The following SOX5 variants were observed in gnomAD, a reference collection of about 807,000 sequenced individuals.
The protein encoded by SOX5 is SRY-box transcription factor 5.
Under a neutral mutation model 92.0 loss-of-function variants are expected in SOX5, and 9 were observed. The observed-to-expected ratio is 0.10, with a 90% confidence interval of 0.06 to 0.17. SOX5 has a LOEUF of 0.17. SOX5 is among the 10% of genes least tolerant of loss of function. The pLI is 1.00. For synonymous variants in SOX5, 344 were observed against 336.3 expected, an observed-to-expected ratio of 1.02 and a Z score of -0.25; for missense variants, 642 against 944.5, an observed-to-expected ratio of 0.68 and a Z score of 4.20.
chr12:24,246,535 C>T (rs1026065937), intron 3 of SOX5, among the ~76,000 whole-genome samples: 2 of 151,754 alleles, frequency 1.3e-5, no homozygotes, highest in East Asian at 1.9e-4. Context: ...CTCTTTTTGC[C>T]TCAGTTCCTT....
chr12:24,289,051 G>A (rs1053177055), intron 2 of SOX5, among the ~76,000 whole-genome samples: 2 of 152,044 alleles, frequency 1.3e-5, no homozygotes, highest in Non-Finnish European at 2.9e-5. Context: ...TGAAGAGGGA[G>A]GCCAAGGTTG....
intron 4 of SOX5, among the ~76,000 whole-genome samples, chr12:24,083,482 G>C (rs1943608489): frequency 6.6e-6 from 1 of 152,062 alleles, no homozygotes; most frequent in Non-Finnish European, 1.5e-5. Context: ...TTTATAATCG[G>C]CTGGGAAAAC....
At chr12:23,755,745 G>A (rs757018128) in intron 3 of SOX5, 21 bp from the exon 4 acceptor site, 3 of 1,473,184 alleles carry the variant, frequency 2.0e-6, no homozygotes, top group Non-Finnish European at 2.8e-6. Flanking sequence ...AAAAAAAGAA[G>A]TGAGCAAATC....
In SOX5 at chr12:23,711,170, A is replaced by G. The variant is rs113389363; in HGVS notation, c.810+23514T>C. Among the ~76,000 whole-genome samples the G allele has an allele frequency of 3.3e-5, 5 of 152,316 alleles. 1 individual carries two copies. The highest frequency in any genetic ancestry group is 4.1e-4 in the South Asian group (2 of 4,832). ...CTATGTTGCCTTTTTTTCTGTTTAC[A>G]TCGGCAATGTGGCATATTAGTTTGT... On this transcript the variant is annotated intron_variant, in intron 6 of 14. Coordinates refer to ENST00000451604, the MANE Select transcript of SOX5 (RefSeq NM_006940.6).
chr12:24,142,181 G>A (rs1011853162), intron 4 of SOX5, among the ~76,000 whole-genome samples: 1 of 152,128 alleles, frequency 6.6e-6, no homozygotes, highest in African/African-American at 2.4e-5. Flanking sequence ...ACAACCAGGT[G>A]CTCACTAGTA....
At chr12:23,605,056 T>C (rs2075072713) in intron 8 of SOX5, among the ~76,000 whole-genome samples, 1 of 152,138 alleles carries the variant, frequency 6.6e-6, no homozygotes, top group South Asian at 2.1e-4. Flanking sequence ...TGAAGAAGAT[T>C]ATCTGGTCAG....
chr12:23,608,108 G>GA (rs1566278538), intron 8 of SOX5, among the ~76,000 whole-genome samples: 98 of 5,670 alleles, frequency 0.017, 2 homozygotes, highest in African/African-American at 0.021. Flanking sequence ...TGTCTCAAAA[G>GA]AAAAAAGAAA....
chr12:24,040,731 G>A (rs2136988119), intron 4 of SOX5, among the ~76,000 whole-genome samples: 1 of 152,226 alleles, frequency 6.6e-6, no homozygotes, highest in African/African-American at 2.4e-5. Flanking sequence ...AAGTTAGCCG[G>A]GCGTGGTGGC....
At chr12:24,295,519 G>C (rs997487532) in intron 2 of SOX5, among the ~76,000 whole-genome samples, 1 of 152,144 alleles carries the variant, frequency 6.6e-6, no homozygotes, top group Admixed American at 6.6e-5. Flanking sequence ...CTCACTAAAG[G>C]ATATTTTGTT....
intron 7 of SOX5, among the ~76,000 whole-genome samples, chr12:23,653,568 A>G (rs1034780193): frequency 1.3e-5 from 2 of 152,130 alleles, no homozygotes; most frequent in Non-Finnish European, 2.9e-5. Flanking sequence ...TATAAAGAAC[A>G]AACATTTGTT....
At chr12:23,992,968 G>A (rs1299567694) in intron 4 of SOX5, among the ~76,000 whole-genome samples, 1 of 152,184 alleles carries the variant, frequency 6.6e-6, no homozygotes, top group African/African-American at 2.4e-5. Context: ...ATTATAGTAT[G>A]TGACTTCTCC....
rs1048705996 is a variant in SOX5 at position 23,723,093 on chromosome 12, G to A, written c.810+11591C>T. On this transcript the variant is annotated intron_variant, in intron 6 of 14. Transcript: ENST00000451604. ...TCCTCTTTTTCTGGCTGCATGACAC[G>A]GGTGCTCATGACAACGTACCCTCTA... Among the ~76,000 whole-genome samples, 92 of 152,036 alleles carry A rather than the reference G, an allele frequency of 6.1e-4. 1 individual carries two copies. Among genetic ancestry groups the A allele is most frequent in the Admixed American group, 5.9e-4 (9 of 15,244 alleles).
chr12:24,273,190 C>CAG (rs1943990145), intron 3 of SOX5, among the ~76,000 whole-genome samples: 1 of 152,178 alleles, frequency 6.6e-6, no homozygotes, highest in African/African-American at 2.4e-5. Context: ...ACCTGCAAGG[C>CAG]AGAGGTTGCA....
chr12:23,882,545 G>C (rs1244227725), intron 2 of SOX5, among the ~76,000 whole-genome samples: 2 of 152,046 alleles, frequency 1.3e-5, no homozygotes, highest in Non-Finnish European at 2.9e-5. Flanking sequence ...ATTTTTCTCT[G>C]GTAAATGGTT....
At chr12:23,927,732 C>T (rs1373894057) in intron 1 of SOX5, among the ~76,000 whole-genome samples, 1 of 151,806 alleles carries the variant, frequency 6.6e-6, no homozygotes, top group South Asian at 2.1e-4. Context: ...TAAGATAGTA[C>T]TTCGGCTTGA....
At chr12:23,999,500 T>G (rs960356765) in intron 4 of SOX5, among the ~76,000 whole-genome samples, 15 of 152,242 alleles carry the variant, frequency 9.9e-5, no homozygotes, top group Admixed American at 9.8e-4. Context: ...ATAGATATGT[T>G]AACTAGCTGG....
At chr12:23,886,917 T>G (rs1270126068) in intron 2 of SOX5, among the ~76,000 whole-genome samples, 1 of 152,092 alleles carries the variant, frequency 6.6e-6, no homozygotes, top group Non-Finnish European at 1.5e-5. Flanking sequence ...GAAACATAAT[T>G]TGGGAAACAA....
intron 3 of SOX5, among the ~76,000 whole-genome samples, chr12:24,217,005 T>C (rs1301090806): frequency 6.6e-6 from 1 of 152,200 alleles, no homozygotes; most frequent in Admixed American, 6.5e-5. Flanking sequence ...CAGGAGGGTG[T>C]TGCAACCAAC....
intron 3 of SOX5, among the ~76,000 whole-genome samples, chr12:24,253,668 A>G (rs1431043986): frequency 6.6e-6 from 1 of 152,196 alleles, no homozygotes; most frequent in African/African-American, 2.4e-5. Context: ...CACATTGTAA[A>G]GTGAAAATTT....
Sources: gnomAD v4.1 joint callset for allele counts (sites outside exome capture counted in the v4.1 genomes callset) on GRCh38, gnomAD v4.1.1 for gene constraint, MANE v1.5 for transcripts, NCBI Gene and HGNC (gene_info 2026-07-23, HGNC 2026-07-21) for gene names.